Variants in ERP44 observed in about 807,000 individuals in gnomAD.
ERP44 encodes endoplasmic reticulum resident protein 44.
Under a neutral mutation model 53.4 loss-of-function variants are expected in ERP44, and 25 were observed. The ratio of observed to expected loss-of-function variants is 0.47; its 90% CI spans 0.34 to 0.65. The LOEUF is 0.65. Among genes scored for constraint, ERP44 ranks in the 30% least tolerant of loss-of-function variants. ERP44 has a pLI of 0.01. For missense variants in ERP44, 338 were observed against 493.2 expected, an observed-to-expected ratio of 0.69 and a Z score of 2.98; for synonymous variants, 145 against 161.2, an observed-to-expected ratio of 0.90 and a Z score of 0.76.
intron 8 of ERP44, among the ~76,000 whole-genome samples, 157 bp from the exon 9 acceptor site, chr9:100,007,846 T>C (rs780503151): frequency 2.6e-5 from 4 of 152,160 alleles, no homozygotes; most frequent in Non-Finnish European, 4.4e-5. Context: ...AACATTAGCC[T>C]GAACAGAAGA....
At chr9:99,988,199 G>A (rs948103074) in intron 10 of ERP44, among the ~76,000 whole-genome samples, 2 of 152,162 alleles carry the variant, frequency 1.3e-5, no homozygotes, top group Non-Finnish European at 2.9e-5. Flanking sequence ...CTTCACATGT[G>A]TTTATCTGCC....
chr9:100,024,670 C>T (rs1830632763), intron 4 of ERP44, among the ~76,000 whole-genome samples: 1 of 152,018 alleles, frequency 6.6e-6, no homozygotes, highest in Non-Finnish European at 1.5e-5. Flanking sequence ...AAATTAAATA[C>T]ATACACATAT....
chr9:99,998,812 C>G (rs1439340758), intron 10 of ERP44: 4 of 1,073,012 alleles, frequency 3.7e-6, no homozygotes, highest in Non-Finnish European at 5.6e-6. Context: ...GAATTCTCTG[C>G]TTTTCTAATT....
intron 4 of ERP44, among the ~76,000 whole-genome samples, chr9:100,033,387 G>A (rs1053911980): frequency 2.6e-5 from 4 of 152,138 alleles, no homozygotes; most frequent in African/African-American, 9.7e-5. Flanking sequence ...ATAGGCCAAG[G>A]AGCCCCAAGT....
chr9:100,093,169 A>G (rs1177491575), intron 1 of ERP44, among the ~76,000 whole-genome samples: 1 of 152,244 alleles, frequency 6.6e-6, no homozygotes, highest in African/African-American at 2.4e-5. Flanking sequence ...ATGCTATTAA[A>G]AATCACAGTA....
chr9:100,026,548 A>G (rs571994536), intron 4 of ERP44, among the ~76,000 whole-genome samples: 1 of 152,368 alleles, frequency 6.6e-6, no homozygotes, highest in East Asian at 1.9e-4. Flanking sequence ...AAACTATTAC[A>G]TATGTTCAGT....
intron 8 of ERP44, among the ~76,000 whole-genome samples, chr9:100,010,484 G>C (rs1267979629): frequency 1.3e-5 from 2 of 152,212 alleles, no homozygotes; most frequent in Admixed American, 1.3e-4. Context: ...TACCACAGCA[G>C]GCAAATAGTC....
intron 11 of ERP44, 69 bp downstream of exon 11, chr9:99,984,898 G>A: frequency 2.2e-6 from 2 of 903,832 alleles, no homozygotes; most frequent in Non-Finnish European, 1.8e-6. Context: ...AAGAACTTCA[G>A]ACCCTCTTTG....
chr9:99,995,917 GTTCT>G (rs1267506254), intron 10 of ERP44, among the ~76,000 whole-genome samples: 1 of 125,824 alleles, frequency 7.9e-6, no homozygotes, highest in East Asian at 2.3e-4. Flanking sequence ...TCATAGGGTA[GTTCT>G]TTTTTTTTTT....
At chr9:100,095,841 T>C (rs1296157533) in intron 1 of ERP44, among the ~76,000 whole-genome samples, 1 of 152,182 alleles carries the variant, frequency 6.6e-6, no homozygotes, top group East Asian at 1.9e-4. Flanking sequence ...ACATATATTA[T>C]TAACATTAAA....
At chr9:100,029,284 A>G (rs956072515) in intron 4 of ERP44, among the ~76,000 whole-genome samples, 3 of 152,258 alleles carry the variant, frequency 2.0e-5, no homozygotes, top group Non-Finnish European at 4.4e-5. Context: ...TAAACTAATC[A>G]TCTGATAAGG....
At chr9:100,075,570 G>A (rs1215540942) in intron 1 of ERP44, among the ~76,000 whole-genome samples, 10 of 152,164 alleles carry the variant, frequency 6.6e-5, no homozygotes, top group Admixed American at 6.5e-4. Flanking sequence ...CAGACACACG[G>A]GACTTCTTGG....
chr9:100,028,653 T>C (rs921266181), intron 4 of ERP44, among the ~76,000 whole-genome samples: 2 of 152,218 alleles, frequency 1.3e-5, no homozygotes, highest in African/African-American at 4.8e-5. Flanking sequence ...CTAGCAGAGA[T>C]ATATTTCAAT....
At chr9:99,998,782 T>C in intron 10 of ERP44, 1 of 862,296 alleles carries the variant, frequency 1.2e-6, no homozygotes, top group East Asian at 2.6e-5. Context: ...TCCTCCTCCG[T>C]TCTTCTCGCT....
intron 7 of ERP44, among the ~76,000 whole-genome samples, 196 bp from the exon 8 acceptor site, chr9:100,016,634 T>A (rs1297232368): frequency 6.6e-6 from 1 of 152,178 alleles, no homozygotes; most frequent in Non-Finnish European, 1.5e-5. Context: ...CCAGAGTAGC[T>A]GGGACTACAG....
intron 3 of ERP44, 73 bp from the exon 4 acceptor site, chr9:100,052,605 C>A (rs1416834735): frequency 8.0e-6 from 6 of 748,200 alleles, no homozygotes; most frequent in African/African-American, 3.6e-5. Flanking sequence ...TTATTGCCCA[C>A]TGACATTTGA....
chr9:100,082,531 GA>G (rs959207173), intron 1 of ERP44, among the ~76,000 whole-genome samples: 1 of 151,956 alleles, frequency 6.6e-6, no homozygotes, highest in Non-Finnish European at 1.5e-5. Context: ...GCAGCCACCT[GA>G]AAAAACATAT....
In ERP44 at chr9:100,052,618, T is replaced by A. The variant is rs532858574; in HGVS notation, c.171-86A>T. 90 of 639,022 alleles carry A rather than the reference T, an allele frequency of 1.4e-4. No individual in the cohort carries two copies. The African/African-American group carries it at 1.5e-3, about 11-fold the overall frequency. 39.6% of individuals were successfully genotyped at this position (639,022 alleles called of 1,614,324 possible). On this transcript the variant is annotated intron_variant, in intron 3 of 11. Transcript: ENST00000262455. ...CGTTATTGCCCACTGACATTTGATA[T>A]AGGCATAATAAACGACTCTGCGAGA...
intron 10 of ERP44, among the ~76,000 whole-genome samples, chr9:99,986,816 TAATTGC>T (rs1429578638): frequency 2.0e-5 from 3 of 152,228 alleles, no homozygotes; most frequent in Admixed American, 1.3e-4. Flanking sequence ...GGTGCTGAAG[TAATTGC>T]ACATGCACCA....
Sources: allele counts gnomAD v4.1 joint callset (sites outside exome capture counted in the v4.1 genomes callset), GRCh38; gene constraint gnomAD v4.1.1; transcripts MANE v1.5; gene names NCBI Gene and HGNC (gene_info 2026-07-23, HGNC 2026-07-21).